ANK3: variants seen among roughly 807,000 people sequenced by gnomAD.
ANK3 encodes ankyrin 3.
ANK3 carries 57 observed loss-of-function variants against 370.9 expected under a neutral mutation model. The observed-to-expected ratio is 0.15, with a 90% CI of 0.12 to 0.19. The LOEUF is 0.19. Among genes scored for constraint, ANK3 ranks in the 10% least tolerant of loss-of-function variants. ANK3 has a pLI of 1.00. For synonymous variants in ANK3, 1,929 were observed against 1,946.3 expected, an observed-to-expected ratio of 0.99 and a Z score of 0.23; for missense variants, 4,439 against 5,302.1, an observed-to-expected ratio of 0.84 and a Z score of 5.06.
Position 60,072,914 on chromosome 10 carries a change from C to T in ANK3, c.7967G>A (p.Gly2656Glu), listed in dbSNP as rs371772122. 18 of 1,613,936 alleles carry T rather than the reference C, an allele frequency of 1.1e-5. No individual in the cohort carries two copies. Among genetic ancestry groups the T allele is most frequent in the Non-Finnish European group, 1.5e-5 (18 of 1,180,008 alleles). Residue 2656 changes from glycine (G) to glutamate (E), a missense_variant, in exon 37 of 44, where the codon GGA becomes GAA. By Grantham distance (98) the Gly-to-Glu change is moderately conservative (BLOSUM62 -2). Around this residue, in one of 13 missense-constraint regions of ANK3, gnomAD observed 1,601 missense variants for 1,731.7 expected, o/e 0.92. Transcript: ENST00000280772. ...WVKARQHGPD[G>E]QGFPKAEEKA... ...CTCCTCGGCCTTGGGGAAGCCTTGT[C>T]CATCAGGGCCATGCTGTCTTGCCTT... is the stretch of plus-strand genomic sequence containing the variant.
chr10:60,143,660 C>T (rs781117157), intron 23 of ANK3, among the ~76,000 whole-genome samples: 25 of 152,262 alleles, frequency 1.6e-4, no homozygotes, highest in Non-Finnish European at 2.9e-4. Context: ...TTAAAATGCC[C>T]GCCTCACCCT....
intron 2 of ANK3, among the ~76,000 whole-genome samples, chr10:60,484,889 C>A (rs2075310862): frequency 6.6e-6 from 1 of 152,028 alleles, no homozygotes; most frequent in Non-Finnish European, 1.5e-5. Context: ...TAATGAATTT[C>A]AAAGCCACAT....
intron 1 of ANK3, among the ~76,000 whole-genome samples, chr10:60,676,058 G>A (rs920157373): frequency 6.6e-6 from 1 of 151,978 alleles, no homozygotes; most frequent in Admixed American, 6.6e-5. Flanking sequence ...ACCTCATCTG[G>A]ACATTGGAAA....
Position 60,068,947 on chromosome 10 carries a change from GGTGGTGGTGGTAGTGGTGGTA to G in ANK3, c.11913_11933del (p.Thr3972_Thr3978del). On this transcript the variant is annotated inframe_deletion, in exon 37 of 44. Coordinates refer to ENST00000280772, the MANE Select transcript of ANK3 (RefSeq NM_020987.5). The stretch of plus-strand genomic sequence containing the variant: ...TTTTCCTAACTTTAACTGTGCAGCT[GGTGGTGGTGGTAGTGGTGGTA>G]GTGGTGGTGGTGGTGGCAGTGGTGG... 6.2e-7 allele frequency: 1 copy of G among 1,613,988 alleles called. No homozygotes were observed. Among genetic ancestry groups the G allele is most frequent in the Non-Finnish European group, 8.5e-7 (1 of 1,179,968 alleles).
intron 7 of ANK3, among the ~76,000 whole-genome samples, chr10:60,258,221 T>C (rs777798625): frequency 1.3e-5 from 2 of 152,216 alleles, no homozygotes; most frequent in African/African-American, 4.8e-5. Flanking sequence ...GTCAGTGCCA[T>C]CTCAGCAGAC....
At chr10:60,427,722 G>C (rs1251220367) in intron 2 of ANK3, among the ~76,000 whole-genome samples, 3 of 152,082 alleles carry the variant, frequency 2.0e-5, no homozygotes, top group South Asian at 2.1e-4. Flanking sequence ...GAAAATATAG[G>C]TGGGTTATTA....
chr10:60,279,688 A>T, intron 1 of ANK3, 49 bp from the exon 2 acceptor site: 1 of 1,407,150 alleles, frequency 7.1e-7, no homozygotes, highest in Non-Finnish European at 1.0e-6. Context: ...GCTAATATGC[A>T]TGTTTATAAA....
intron 41 of ANK3, among the ~76,000 whole-genome samples, chr10:60,058,661 C>CA (rs2131925129): frequency 6.6e-6 from 1 of 152,184 alleles, no homozygotes; most frequent in African/African-American, 2.4e-5. Flanking sequence ...GTTTAATCTG[C>CA]ATTTTAAGTT....
intron 1 of ANK3, among the ~76,000 whole-genome samples, chr10:60,682,520 C>T (rs2079210308): frequency 6.6e-6 from 1 of 152,136 alleles, no homozygotes; most frequent in African/African-American, 2.4e-5. Context: ...TGTTAGGCCG[C>T]AGGCACAGGC....
At chr10:60,373,644 G>A (rs1376138222) in intron 1 of ANK3, among the ~76,000 whole-genome samples, 1 of 152,184 alleles carries the variant, frequency 6.6e-6, no homozygotes, top group Non-Finnish European at 1.5e-5. Flanking sequence ...TGATCTCATA[G>A]TCACAGATGG....
chr10:60,136,645 T>G (rs1250853479), intron 24 of ANK3, among the ~76,000 whole-genome samples: 3 of 152,182 alleles, frequency 2.0e-5, no homozygotes, highest in Non-Finnish European at 1.5e-5. Flanking sequence ...TCTCTATGAG[T>G]GCCAACTGCA....
chr10:60,353,200 G>A (rs1392712120), intron 1 of ANK3, among the ~76,000 whole-genome samples: 1 of 145,152 alleles, frequency 6.9e-6, no homozygotes, highest in Non-Finnish European at 1.5e-5. Context: ...ACTATGTTGC[G>A]CAGGCTGGTC....
At chr10:60,375,309 A>T (rs1382947466) in intron 1 of ANK3, among the ~76,000 whole-genome samples, 2 of 152,242 alleles carry the variant, frequency 1.3e-5, no homozygotes, top group Non-Finnish European at 2.9e-5. Context: ...AAGAAAACCC[A>T]ACAATTCATG....
chr10:60,291,265 C>T (rs754736929), intron 1 of ANK3, among the ~76,000 whole-genome samples: 1 of 152,050 alleles, frequency 6.6e-6, no homozygotes, highest in Admixed American at 6.6e-5. Context: ...TTTCACTTGT[C>T]TCTTAGAGGA....
chr10:60,062,935 G>A, intron 40 of ANK3, 176 bp downstream of exon 40: 1 of 567,550 alleles, frequency 1.8e-6, no homozygotes, highest in Non-Finnish European at 3.0e-6. Context: ...TATAAACAGA[G>A]GTATTTACCA....
At chr10:60,578,658 T>C (rs1359431556) in intron 2 of ANK3, among the ~76,000 whole-genome samples, 1 of 152,138 alleles carries the variant, frequency 6.6e-6, no homozygotes, top group African/African-American at 2.4e-5. Flanking sequence ...TTTATTGCTG[T>C]GGAAAAGTCG....
intron 1 of ANK3, among the ~76,000 whole-genome samples, chr10:60,354,852 A>G (rs1465033122): frequency 6.6e-6 from 1 of 152,076 alleles, no homozygotes; most frequent in African/African-American, 2.4e-5. Context: ...ATTTTTAAAT[A>G]TAAGAAAAAT....
chr10:60,289,979 A>AT (rs142846598), intron 1 of ANK3, among the ~76,000 whole-genome samples: 32 of 151,694 alleles, frequency 2.1e-4, no homozygotes, highest in Admixed American at 7.9e-4. Flanking sequence ...CAAAGGGTGG[A>AT]TTTTTTTTTC....
In ANK3 at chr10:60,074,187, G is replaced by T; in HGVS notation, c.6694C>A (p.Arg2232=). ...KASSEEDDHN[R]VLSKGMRVKE... is the part of the protein sequence containing the mutation. ...ACACGCATGCCTTTGCTTAAAACCC[G>T]ATTGTGGTCATCTTCTTCACTACTG... The change falls in exon 37 of 44, where the codon CGG becomes AGG. Residue 2232 remains arginine (R), a synonymous_variant. Transcript: ENST00000280772. 2 of 1,614,022 alleles carry T rather than the reference G, an allele frequency of 1.2e-6. No homozygotes were observed. The highest frequency in any genetic ancestry group is 1.7e-6 in the Non-Finnish European group (2 of 1,179,986).
Sources: allele counts gnomAD v4.1 joint callset (sites outside exome capture counted in the v4.1 genomes callset), GRCh38; gene constraint gnomAD v4.1.1; regional missense constraint gnomAD v4.1.1; transcripts MANE v1.5; gene names NCBI Gene and HGNC (gene_info 2026-07-23, HGNC 2026-07-21).